SYN2: variants seen among roughly 807,000 people sequenced by gnomAD.
The protein encoded by SYN2 is synapsin-2.
In SYN2, 19 loss-of-function variants were observed where a neutral mutation model predicts 50.9. The observed-to-expected ratio is 0.37, with a 90% CI of 0.26 to 0.55. The LOEUF is 0.55. SYN2 is among the 20% of genes least tolerant of loss of function. SYN2 has a pLI of 0.81. For synonymous variants in SYN2, 255 were observed against 224.9 expected, an observed-to-expected ratio of 1.13 and a Z score of -1.20; for missense variants, 587 against 576.4, an observed-to-expected ratio of 1.02 and a Z score of -0.19.
chr3:12,130,151 C>CAT (rs770384744), intron 1 of SYN2, among the ~76,000 whole-genome samples: 5 of 150,634 alleles, frequency 3.3e-5, no homozygotes, highest in African/African-American at 1.2e-4. Flanking sequence ...TGTGTGTGTA[C>CAT]ATATATATAT....
chr3:12,117,640 G>A (rs1221889697), intron 1 of SYN2, among the ~76,000 whole-genome samples: 1 of 152,146 alleles, frequency 6.6e-6, no homozygotes, highest in Non-Finnish European at 1.5e-5. Flanking sequence ...ATTCTGGATG[G>A]TATGAGTGGG....
intron 5 of SYN2, among the ~76,000 whole-genome samples, chr3:12,155,966 A>G (rs1697444682): frequency 6.6e-6 from 1 of 152,172 alleles, no homozygotes. Context: ...CCTCAGAGCT[A>G]GGAAGCCCTT....
intron 1 of SYN2, among the ~76,000 whole-genome samples, chr3:12,059,479 C>T (rs189105464): frequency 1.1e-4 from 17 of 152,218 alleles, no homozygotes; most frequent in Non-Finnish European, 1.8e-4. Flanking sequence ...TCCCTCCAGG[C>T]CCCTCAGGAA....
At chr3:12,059,914 A>G (rs1251850060) in intron 1 of SYN2, among the ~76,000 whole-genome samples, 4 of 152,210 alleles carry the variant, frequency 2.6e-5, no homozygotes, top group Admixed American at 2.6e-4. Flanking sequence ...TCTGACATTT[A>G]TAGAGCATGG....
chr3:12,153,888 A>G (rs574833016), intron 5 of SYN2, among the ~76,000 whole-genome samples: 32 of 152,166 alleles, frequency 2.1e-4, no homozygotes, highest in African/African-American at 6.3e-4. Flanking sequence ...CCCATATTCA[A>G]TATTGCCACT....
rs536348000 is a variant in SYN2, at chr3:12,121,727, A to T, written c.378-18924A>T. On this transcript the variant is annotated intron_variant, in intron 1 of 12. Transcript: ENST00000621198. Reference sequence around the variant, plus strand: ...GGAGGAGGGAGGAAGGGAGGGAGGAAGGAAGGAATGAAGGAAAGAAGGAAG... The same window carrying T: ...GGAGGAGGGAGGAAGGGAGGGAGGATGGAAGGAATGAAGGAAAGAAGGAAG... Among the ~76,000 whole-genome samples, 90 of 151,576 alleles carry T rather than the reference A, an allele frequency of 5.9e-4. 1 individual carries two copies. Among genetic ancestry groups the T allele is most frequent in the African/African-American group, 2.1e-3 (86 of 41,392 alleles).
rs1697602124 is a variant in SYN2, at chr3:12,160,006, G to A, written c.775-1540G>A. Among the ~76,000 whole-genome samples the A allele has an allele frequency of 2.3e-5, 3 of 128,540 alleles. No homozygotes were observed. The South Asian group carries it at 8.0e-4, about 34-fold the overall frequency. The allele number at this position is 128,540 out of a possible 152,430, so 84.3% of individuals were successfully genotyped here. On this transcript the variant is annotated intron_variant, in intron 5 of 12. Coordinates refer to ENST00000621198, the MANE Select transcript of SYN2 (RefSeq NM_133625.6). ...TGAAGTGAGCTGAGACTGTGCCACT[G>A]CACTCCAGTCTGGGCGACAGAGTGA...
intron 1 of SYN2, among the ~76,000 whole-genome samples, chr3:12,061,706 G>A (rs1033800310): frequency 6.6e-6 from 1 of 151,810 alleles, no homozygotes; most frequent in Non-Finnish European, 1.5e-5. Context: ...AGGACACAAG[G>A]TGAGTATATA....
chr3:12,185,294 G>A, intron 11 of SYN2: 1 of 985,726 alleles, frequency 1.0e-6, no homozygotes, highest in Non-Finnish European at 1.2e-6. Context: ...GCGATGAGCT[G>A]ACGGTGGTAT....
At chr3:12,108,877 A>G (rs1414397449) in intron 1 of SYN2, among the ~76,000 whole-genome samples, 1 of 149,016 alleles carries the variant, frequency 6.7e-6, no homozygotes, top group Admixed American at 6.7e-5. Flanking sequence ...CTTGACCATC[A>G]TCTGCTTAAA....
chr3:12,083,280 G>A (rs1266451533), intron 1 of SYN2, among the ~76,000 whole-genome samples: 1 of 152,214 alleles, frequency 6.6e-6, no homozygotes, highest in Non-Finnish European at 1.5e-5. Flanking sequence ...CCAAAGTGTT[G>A]GGATTACAGG....
At chr3:12,070,994 A>T (rs1351972405) in intron 1 of SYN2, 2 of 549,674 alleles carry the variant, frequency 3.6e-6, no homozygotes, top group African/African-American at 3.8e-5. Context: ...ATTGGCAACA[A>T]GTGGTCCTGG....
chr3:12,070,300 GC>G, intron 1 of SYN2: 1 of 493,856 alleles, frequency 2.0e-6, no homozygotes, highest in Non-Finnish European at 4.1e-6. Context: ...TGGGGACGAC[GC>G]CCCCTGAGCC....
At chr3:12,180,551 C>T (rs755663207) in intron 10 of SYN2, among the ~76,000 whole-genome samples, 8 of 152,204 alleles carry the variant, frequency 5.3e-5, no homozygotes, top group African/African-American at 1.4e-4. Context: ...CCCTAGTAGA[C>T]AGCAGGCTTG....
intron 10 of SYN2, among the ~76,000 whole-genome samples, chr3:12,180,436 C>A (rs1024547420): frequency 2.6e-5 from 4 of 152,216 alleles, no homozygotes; most frequent in African/African-American, 9.6e-5. Flanking sequence ...TTGGCAGTGA[C>A]GCCAGAGTGG....
At position 12,161,568 on chromosome 3, in the gene SYN2, T is replaced by G. The variant is rs374931810; in HGVS notation, c.797T>G (p.Val266Gly). 221 of 1,613,930 alleles carry G rather than the reference T, an allele frequency of 1.4e-4. No homozygotes were observed. The highest frequency in any genetic ancestry group is 1.8e-4 in the Non-Finnish European group (207 of 1,179,912). ...CAGCTGACACTGCCCACGTTCCCTG[T>G]GGTGGTGAAGATTGGCCACGCTCAC... ...KEMLTLPTFP[V>G]VVKIGHAHSG... The change falls in exon 6 of 13, where the codon GTG becomes GGG. Residue 266 changes from valine (V) to glycine (G), a missense_variant. Coordinates refer to ENST00000621198, the MANE Select transcript of SYN2 (RefSeq NM_133625.6).
At chr3:12,023,714 G>A (rs927931601) in intron 1 of SYN2, among the ~76,000 whole-genome samples, 7 of 152,310 alleles carry the variant, frequency 4.6e-5, no homozygotes, top group Middle Eastern at 3.4e-3. Context: ...GAGTTGATAA[G>A]TGCTGTACTT....
At chr3:12,175,947 C>T (rs1480349984) in intron 10 of SYN2, among the ~76,000 whole-genome samples, 1 of 152,234 alleles carries the variant, frequency 6.6e-6, no homozygotes, top group African/African-American at 2.4e-5. Flanking sequence ...AGACTGCCAG[C>T]TTGCGGGCTG....
intron 1 of SYN2, among the ~76,000 whole-genome samples, chr3:12,039,159 G>A (rs376364969): frequency 1.2e-4 from 19 of 152,156 alleles, no homozygotes; most frequent in African/African-American, 4.1e-4. Context: ...CTATTGATAC[G>A]ATTATTTAGT....
Sources: allele counts gnomAD v4.1 joint callset (sites outside exome capture counted in the v4.1 genomes callset), GRCh38; gene constraint gnomAD v4.1.1; transcripts MANE v1.5; gene names NCBI Gene and HGNC (gene_info 2026-07-23, HGNC 2026-07-21).